RFX3: variants seen among roughly 807,000 people sequenced by gnomAD.
The protein encoded by RFX3 is regulatory factor X3.
A neutral mutation model predicts 98.6 loss-of-function variants in RFX3; 14 were observed. The observed-to-expected ratio is 0.14, with a 90% CI of 0.09 to 0.22. RFX3 has a LOEUF of 0.22. Among genes scored for constraint, RFX3 ranks in the 10% least tolerant of loss-of-function variants. RFX3 has a pLI of 1.00. For synonymous variants in RFX3, 383 were observed against 328.4 expected (o/e 1.17, Z -1.80); for missense variants, 639 against 926.9 (o/e 0.69, Z 4.03).
chr9:3,423,809 AT>A (rs944998770), intron 1 of RFX3, among the ~76,000 whole-genome samples: 5 of 138,942 alleles, frequency 3.6e-5, no homozygotes, highest in African/African-American at 1.3e-4. Context: ...ATATATATAT[AT>A]ATCTTAAGGT....
intron 15 of RFX3, among the ~76,000 whole-genome samples, chr9:3,242,841 G>A (rs963082213): frequency 6.6e-6 from 1 of 151,822 alleles, no homozygotes; most frequent in African/African-American, 2.4e-5. Flanking sequence ...ATTCGCAATT[G>A]AACACTTAAA....
At position 3,301,638 on chromosome 9, in the gene RFX3, TA is replaced by T. The variant is rs768266715; in HGVS notation, c.475-19del. 42 of 1,566,280 alleles carry T rather than the reference TA, an allele frequency of 2.7e-5. No homozygotes were observed. The highest frequency in any genetic ancestry group is 5.4e-5 in the African/African-American group (4 of 73,854). On this transcript the variant is annotated intron_variant, in intron 4 of 16. Transcript: ENST00000617270. ...ATTTCAATCTGATAATAGATGTCAT[TA>T]AAAAAAGGGCTCAAGACAAGATAGT...
chr9:3,462,905 G>T (rs574254062), intron 1 of RFX3, among the ~76,000 whole-genome samples: 4 of 152,010 alleles, frequency 2.6e-5, no homozygotes, highest in African/African-American at 4.8e-5. Flanking sequence ...ACACTGGTAA[G>T]GGAAATTAAA....
chr9:3,324,652 T>C (rs1261489679), intron 4 of RFX3, among the ~76,000 whole-genome samples: 2 of 151,480 alleles, frequency 1.3e-5, no homozygotes, highest in African/African-American at 4.8e-5. Flanking sequence ...TGCTAGAATA[T>C]TGTTAGAATA....
intron 1 of RFX3, among the ~76,000 whole-genome samples, chr9:3,524,187 A>C (rs1271412547): frequency 1.3e-5 from 2 of 152,226 alleles, no homozygotes; most frequent in Non-Finnish European, 2.9e-5. Context: ...ATTCATTATC[A>C]AAACTCTACT....
At chr9:3,490,725 C>T (rs1850661113) in intron 1 of RFX3, among the ~76,000 whole-genome samples, 1 of 152,028 alleles carries the variant, frequency 6.6e-6, no homozygotes, top group Non-Finnish European at 1.5e-5. Context: ...CTGAAAATCA[C>T]CCTGCTAATT....
chr9:3,370,681 T>C (rs1334271344), intron 2 of RFX3, among the ~76,000 whole-genome samples: 2 of 152,060 alleles, frequency 1.3e-5, no homozygotes, highest in Non-Finnish European at 2.9e-5. Flanking sequence ...TCTGTGCACT[T>C]TACTGTAAAT....
chr9:3,322,223 AT>A (rs1424028870), intron 4 of RFX3, among the ~76,000 whole-genome samples: 3 of 152,172 alleles, frequency 2.0e-5, no homozygotes, highest in African/African-American at 7.2e-5. Flanking sequence ...AATGTTTAAT[AT>A]TGAAATTTCT....
At chr9:3,285,383 T>C (rs1826455451) in intron 7 of RFX3, among the ~76,000 whole-genome samples, 1 of 151,854 alleles carries the variant, frequency 6.6e-6, no homozygotes, top group African/African-American at 2.4e-5. Context: ...TTTTAAGCCA[T>C]AAAATATATT....
intron 1 of RFX3, among the ~76,000 whole-genome samples, chr9:3,397,959 AAGTGATCAATTC>A (rs1841067707): frequency 6.6e-6 from 1 of 152,306 alleles, no homozygotes; most frequent in South Asian, 2.1e-4. Context: ...AATAAATGGA[AAGTGATCAATTC>A]AGTGGCTAAT....
intron 2 of RFX3, among the ~76,000 whole-genome samples, chr9:3,375,660 A>AT (rs1838379108): frequency 6.6e-6 from 1 of 152,198 alleles, no homozygotes; most frequent in Admixed American, 6.5e-5. Context: ...ATAGAAATCC[A>AT]TTTAATTAGA....
intron 15 of RFX3, among the ~76,000 whole-genome samples, chr9:3,240,627 C>G (rs1232646520): frequency 6.6e-6 from 1 of 152,124 alleles, no homozygotes; most frequent in Non-Finnish European, 1.5e-5. Context: ...CAGAGAATCT[C>G]TAATTTTTAT....
intron 1 of RFX3, among the ~76,000 whole-genome samples, chr9:3,487,295 T>C (rs1850359958): frequency 1.3e-5 from 2 of 152,240 alleles, no homozygotes. Flanking sequence ...GGATATTTAC[T>C]AATGTCATTT....
chr9:3,423,438 C>G (rs1843628235), intron 1 of RFX3, among the ~76,000 whole-genome samples: 1 of 152,146 alleles, frequency 6.6e-6, no homozygotes, highest in South Asian at 2.1e-4. Flanking sequence ...TGAAATACTA[C>G]TCTGGAATAA....
intron 2 of RFX3, among the ~76,000 whole-genome samples, chr9:3,377,842 G>A (rs189420922): frequency 3.3e-5 from 5 of 152,196 alleles, no homozygotes; most frequent in Admixed American, 3.3e-4. Context: ...ACTTAAATAG[G>A]TGGATTTTAT....
At position 3,257,092 on chromosome 9, in the gene RFX3, C is replaced by T. The variant is rs757709200; in HGVS notation, c.1713G>A (p.Ala571=). ...CTTGCATCATCACATTGTCAAGCCA[C>T]GCAGCCCACTGCTCCAGGGTGCTCT... ...QQQSTLEQWA[A]WLDNVMMQAL... is the part of the protein sequence containing the mutation. The change falls in exon 14 of 17, where the codon GCG becomes GCA. Residue 571 remains alanine (A), a synonymous_variant. Coordinates refer to ENST00000617270, the MANE Select transcript of RFX3 (RefSeq NM_001282116.2). 2.1e-5 allele frequency: 34 copies of T among 1,613,900 alleles called. No homozygotes were observed. Among genetic ancestry groups the T allele is most frequent in the South Asian group, 8.8e-5 (8 of 91,080 alleles).
rs370683963 is a variant in RFX3 at position 3,388,390 on chromosome 9, A to G, written c.117+7082T>C. Reference sequence around the variant, plus strand: ...CAACTCTGGTTAGATTTGTTCCCCAAAGAAAATGTCTTTTATCTTTTTGAC... The same window carrying G: ...CAACTCTGGTTAGATTTGTTCCCCAGAGAAAATGTCTTTTATCTTTTTGAC... On this transcript the variant is annotated intron_variant, in intron 2 of 16. Transcript: ENST00000617270. Among the ~76,000 whole-genome samples the G allele has an allele frequency of 2.6e-5, 4 of 152,096 alleles. No individual in the cohort carries two copies. In the East Asian group the frequency reaches 7.7e-4, roughly 29 times the overall value.
chr9:3,433,200 G>C (rs754222985), intron 1 of RFX3, among the ~76,000 whole-genome samples: 4 of 152,024 alleles, frequency 2.6e-5, no homozygotes, highest in Non-Finnish European at 5.9e-5. Context: ...TGTTGTTCAA[G>C]AGTCAACTGT....
At position 3,262,923 on chromosome 9, in the gene RFX3, GA is replaced by G; in HGVS notation, c.1605+11del. 6.2e-7 allele frequency: 1 copy of G among 1,611,842 alleles called. No homozygotes were observed. Among genetic ancestry groups the G allele is most frequent in the Non-Finnish European group, 8.5e-7 (1 of 1,178,748 alleles). ...TTCCTTAAGAGACATGCTTTGCAAG[GA>G]AATAGAATACCTGGACATTGGCAAA... On this transcript the variant is annotated intron_variant, in intron 13 of 16. Transcript: ENST00000617270.
Sources: allele counts gnomAD v4.1 joint callset (sites outside exome capture counted in the v4.1 genomes callset), GRCh38; gene constraint gnomAD v4.1.1; transcripts MANE v1.5; gene names NCBI Gene and HGNC (gene_info 2026-07-23, HGNC 2026-07-21).